Variants in FOXO1 observed in about 807,000 individuals in gnomAD.
FOXO1 encodes forkhead box O1.
A neutral mutation model predicts 44.1 loss-of-function variants in FOXO1; 6 were observed. The ratio of observed to expected loss-of-function variants is 0.14; its 90% confidence interval spans 0.07 to 0.27. FOXO1 has a LOEUF of 0.27. Among genes scored for constraint, FOXO1 ranks in the 10% least tolerant of loss-of-function variants. FOXO1 has a pLI of 1.00. For missense variants in FOXO1, 737 were observed against 888.8 expected, an observed-to-expected ratio of 0.83 and a Z score of 2.17; for synonymous variants, 380 against 362.7, an observed-to-expected ratio of 1.05 and a Z score of -0.54.
chr13:40,665,578 C>A lies in FOXO1; in HGVS notation c.630+5G>T. ...AAGGTCCGGCCGCGCGCCGAGTCCA[C>A]TCACCTTCCAGCCCGCCGAGCTGTT... On this transcript the variant is annotated splice_donor_5th_base_variant and intron_variant, in intron 1 of 2. Coordinates refer to ENST00000379561, the MANE Select transcript of FOXO1 (RefSeq NM_002015.4). 1 of 1,407,870 alleles carries A rather than the reference C, an allele frequency of 7.1e-7. No individual in the cohort carries two copies. The highest frequency in any genetic ancestry group is 9.4e-7 in the Non-Finnish European group (1 of 1,063,460). The allele number at this position is 1,407,870 out of a possible 1,614,324, so 87.2% of individuals were successfully genotyped here.
At chr13:40,623,517 GT>G (rs1173448299) in intron 1 of FOXO1, among the ~76,000 whole-genome samples, 1 of 151,952 alleles carries the variant, frequency 6.6e-6, no homozygotes, top group Admixed American at 6.6e-5. Flanking sequence ...AAGTTCAACA[GT>G]TTTTTTTCTT....
chr13:40,650,361 T>TTAGA (rs1877640118), intron 1 of FOXO1, among the ~76,000 whole-genome samples: 1 of 152,266 alleles, frequency 6.6e-6, no homozygotes, highest in Admixed American at 6.5e-5. Flanking sequence ...ATCCAGTGAG[T>TTAGA]TAGAATGCCT....
intron 1 of FOXO1, among the ~76,000 whole-genome samples, chr13:40,624,499 G>T (rs143444203): frequency 2.0e-4 from 30 of 152,176 alleles, no homozygotes; most frequent in African/African-American, 5.8e-4. Flanking sequence ...TAAGTGATCA[G>T]TTCTGATTCA....
intron 1 of FOXO1, among the ~76,000 whole-genome samples, chr13:40,605,603 A>C (rs1182863381): frequency 6.6e-6 from 1 of 152,122 alleles, no homozygotes; most frequent in Non-Finnish European, 1.5e-5. Context: ...CTGGCCCAAA[A>C]ATACAGCCTC....
intron 1 of FOXO1, among the ~76,000 whole-genome samples, chr13:40,577,983 C>T (rs1414509402): frequency 6.6e-6 from 1 of 152,120 alleles, no homozygotes; most frequent in Non-Finnish European, 1.5e-5. Context: ...TCTATTTCTG[C>T]TAAAAGACAG....
At chr13:40,619,676 A>G in intron 1 of FOXO1, 4 of 1,421,842 alleles carry the variant, frequency 2.8e-6, no homozygotes, top group Non-Finnish European at 3.0e-6. Context: ...GGTAGTTCCA[A>G]CATTCTAAGG....
chr13:40,582,013 G>A (rs1874973864), intron 1 of FOXO1, among the ~76,000 whole-genome samples: 1 of 152,166 alleles, frequency 6.6e-6, no homozygotes. Flanking sequence ...AGCTAAAACA[G>A]AGAGGTAGAA....
chr13:40,617,127 G>A (rs1214908261), intron 1 of FOXO1, among the ~76,000 whole-genome samples: 1 of 152,228 alleles, frequency 6.6e-6, no homozygotes, highest in Non-Finnish European at 1.5e-5. Context: ...TGACAGTTTA[G>A]GGAACAATCT....
At chr13:40,574,169 T>G (rs571548657) in intron 1 of FOXO1, among the ~76,000 whole-genome samples, 1 of 151,884 alleles carries the variant, frequency 6.6e-6, no homozygotes, top group Non-Finnish European at 1.5e-5. Context: ...AAATAAAAAA[T>G]TTTTAAAAAG....
intron 1 of FOXO1, among the ~76,000 whole-genome samples, chr13:40,604,041 A>T (rs1358973074): frequency 5.9e-5 from 9 of 152,194 alleles, no homozygotes; most frequent in Admixed American, 5.9e-4. Flanking sequence ...GGAGCAGATG[A>T]TGGTGTCGCC....
At position 40,560,963 on chromosome 13, in the gene FOXO1, G is replaced by A; in HGVS notation, c.631-103C>T. 8.6e-7 allele frequency: 1 copy of A among 1,157,518 alleles called. No individual in the cohort carries two copies. 71.7% of individuals were successfully genotyped at this position (1,157,518 alleles called of 1,614,324 possible). ...AAAACAAGTAAAAAATCTTAAGAGT[G>A]TGTGCTACAGATTTCCATCTGAACA... On this transcript the variant is annotated intron_variant, in intron 1 of 2. Coordinates refer to ENST00000379561, the MANE Select transcript of FOXO1 (RefSeq NM_002015.4). This position sits in a 1 kb window ranked among gnomAD's most constrained non-coding sequence, Gnocchi z 5.1.
chr13:40,616,211 G>T (rs1876417071), intron 1 of FOXO1, among the ~76,000 whole-genome samples: 1 of 151,974 alleles, frequency 6.6e-6, no homozygotes, highest in South Asian at 2.1e-4. Context: ...TACTCAAAAT[G>T]AAAAACAAGT....
chr13:40,571,602 T>C (rs1874507567), intron 1 of FOXO1, among the ~76,000 whole-genome samples: 1 of 152,184 alleles, frequency 6.6e-6, no homozygotes, highest in Non-Finnish European at 1.5e-5. Context: ...GGGGCCTTCC[T>C]GAAACTTCGA....
intron 1 of FOXO1, among the ~76,000 whole-genome samples, chr13:40,662,270 G>A (rs9532578): frequency 0.17 from 25,689 of 151,218 alleles, 2,524 homozygotes; most frequent in South Asian, 0.3. Context: ...GAGTTAAGTG[G>A]TATAGTCAAA....
chr13:40,587,302 C>T (rs913787742), intron 1 of FOXO1, among the ~76,000 whole-genome samples: 4 of 147,794 alleles, frequency 2.7e-5, no homozygotes, highest in Non-Finnish European at 4.5e-5. Context: ...GTGGGCAGGG[C>T]GGAGCAGGAG....
chr13:40,647,460 A>G (rs943601677), intron 1 of FOXO1, among the ~76,000 whole-genome samples: 5 of 152,112 alleles, frequency 3.3e-5, no homozygotes, highest in Non-Finnish European at 7.4e-5. Context: ...GCGGGAGTGC[A>G]GTGGCGTGAT....
At chr13:40,646,923 T>G (rs903499108) in intron 1 of FOXO1, among the ~76,000 whole-genome samples, 1 of 152,106 alleles carries the variant, frequency 6.6e-6, no homozygotes, top group Non-Finnish European at 1.5e-5. Context: ...AAAGGGATGT[T>G]GGGGCCCAGG....
At chr13:40,645,028 A>G (rs1399365766) in intron 1 of FOXO1, among the ~76,000 whole-genome samples, 1 of 152,238 alleles carries the variant, frequency 6.6e-6, no homozygotes, top group Non-Finnish European at 1.5e-5. Context: ...AAAGGCATTT[A>G]GCTCAATGAC....
intron 1 of FOXO1, among the ~76,000 whole-genome samples, chr13:40,616,383 T>C (rs141238810): frequency 1.4e-3 from 210 of 152,178 alleles, no homozygotes; most frequent in African/African-American, 5.0e-3. Context: ...TAAAGATGTA[T>C]GAAGGACAGA....
Sources: gnomAD v4.1 joint callset for allele counts (sites outside exome capture counted in the v4.1 genomes callset) on GRCh38, gnomAD v4.1.1 for gene constraint, Gnocchi (gnomAD v3.1) non-coding constraint, MANE v1.5 for transcripts, NCBI Gene and HGNC (gene_info 2026-07-23, HGNC 2026-07-21) for gene names.